The following MTERF4 variants were observed in gnomAD, a reference collection of about 807,000 sequenced individuals.
MTERF4 encodes transcription termination factor 4, mitochondrial.
MTERF4 carries 17 observed loss-of-function variants against 22.5 expected under a neutral mutation model. The observed-to-expected ratio is 0.75, with a 90% confidence interval of 0.52 to 1.13. The LOEUF (loss-of-function observed/expected upper bound fraction) is 1.13. Among genes scored for constraint, MTERF4 ranks in the 50% most tolerant of loss-of-function variants. MTERF4 has a pLI of 0.00. For synonymous variants in MTERF4, 165 were observed against 175.3 expected, an observed-to-expected ratio of 0.94 and a Z score of 0.47; for missense variants, 420 against 466.8, an observed-to-expected ratio of 0.90 and a Z score of 0.92.
At chr2:241,045,209 AG>A in the MTERF4 span, among the ~76,000 whole-genome samples, 1 of 152,246 alleles carries the variant, frequency 6.6e-6, no homozygotes, top group Non-Finnish European at 1.5e-5. Context: ...GACTCAACGT[AG>A]TAAATATGGC....
At chr2:241,060,790 G>T in the MTERF4 span, among the ~76,000 whole-genome samples, 2 of 152,056 alleles carry the variant, frequency 1.3e-5, no homozygotes, top group Admixed American at 6.6e-5. Flanking sequence ...AATTAACCAG[G>T]CGTAGTGGCA....
At chr2:241,043,829 A>G in the MTERF4 span, among the ~76,000 whole-genome samples, 1 of 152,230 alleles carries the variant, frequency 6.6e-6, no homozygotes, top group Non-Finnish European at 1.5e-5. Flanking sequence ...CAATATGTAA[A>G]TGAATAGGTA....
chr2:241,062,088 A>G, the MTERF4 span, among the ~76,000 whole-genome samples: 1 of 152,224 alleles, frequency 6.6e-6, no homozygotes, highest in Non-Finnish European at 1.5e-5. Context: ...TAAACAACAA[A>G]AACATTCACT....
At chr2:241,045,227 C>G in the MTERF4 span, among the ~76,000 whole-genome samples, 1 of 152,170 alleles carries the variant, frequency 6.6e-6, no homozygotes, top group African/African-American at 2.4e-5. Context: ...TGGCAGTGCT[C>G]TCTAAATTGA....
chr2:241,067,808 A>G (rs772958236), downstream of MTERF4: 7 of 1,613,126 alleles, frequency 4.3e-6, no homozygotes, highest in East Asian at 1.6e-4. Flanking sequence ...TGTGACGGCT[A>G]GCACCATCTC....
the MTERF4 span, chr2:241,064,739 C>T: frequency 2.6e-6 from 2 of 773,142 alleles, no homozygotes; most frequent in Middle Eastern, 2.3e-4. The surrounding 1 kb of genome is among the most constrained non-coding windows in gnomAD (Gnocchi z 7.0). Flanking sequence ...CCCCGCCCCT[C>T]CACACCCACG....
At chr2:241,054,974 G>A in the MTERF4 span, among the ~76,000 whole-genome samples, 10 of 151,864 alleles carry the variant, frequency 6.6e-5, no homozygotes, top group African/African-American at 1.5e-4. Flanking sequence ...AAAACTAGCC[G>A]GGTGTGGTGG....
the MTERF4 span, among the ~76,000 whole-genome samples, chr2:241,057,979 A>C: frequency 6.6e-6 from 1 of 152,186 alleles, no homozygotes; most frequent in Non-Finnish European, 1.5e-5. Flanking sequence ...ATTATGATAG[A>C]AAAAATACAA....
the MTERF4 span, chr2:241,053,084 A>T: frequency 6.8e-7 from 1 of 1,472,720 alleles, no homozygotes. Flanking sequence ...CGGGTCGGGC[A>T]GAGGCAGGGC....
intron 2 of MTERF4, 54 bp from the exon 3 acceptor site, chr2:241,097,481 CAAG>C: frequency 1.3e-6 from 2 of 1,542,792 alleles, no homozygotes; most frequent in Non-Finnish European, 1.8e-6. Context: ...TCCAGAAACT[CAAG>C]GAGCTAGCTG....
At chr2:241,070,402 G>A (rs2062648442), downstream of MTERF4, among the ~76,000 whole-genome samples, 1 of 152,238 alleles carries the variant, frequency 6.6e-6, no homozygotes. Context: ...ATGGGCAGGT[G>A]GCACCAACAA....
intron 4 of MTERF4, among the ~76,000 whole-genome samples, chr2:241,077,126 A>T (rs536794904): frequency 7.0e-4 from 106 of 152,166 alleles, no homozygotes; most frequent in Non-Finnish European, 1.2e-3. Flanking sequence ...CCACACGTCA[A>T]TGGCCAACTG....
chr2:241,093,384 T>C (rs1294277253), downstream of MTERF4: 3 of 152,680 alleles, frequency 2.0e-5, no homozygotes, highest in Non-Finnish European at 4.4e-5. Flanking sequence ...ACTAGGAAAC[T>C]TTCTACTCCC....
At chr2:241,065,023 C>T in the MTERF4 span, 12 of 1,261,956 alleles carry the variant, frequency 9.5e-6, no homozygotes, top group Non-Finnish European at 1.3e-5. Flanking sequence ...GAGGGCCCAA[C>T]GGTCTCCAAG....
At chr2:241,064,989 C>T in the MTERF4 span, 119 of 1,495,362 alleles carry the variant, frequency 8.0e-5, no homozygotes, top group African/African-American at 1.4e-3. The surrounding 1 kb of genome is among the most constrained non-coding windows in gnomAD (Gnocchi z 7.0). Context: ...AGTGAGGGAG[C>T]CACGAGGGGG....
At chr2:241,051,642 C>A in the MTERF4 span, 1 of 952,222 alleles carries the variant, frequency 1.1e-6, no homozygotes, top group Non-Finnish European at 1.5e-6. This position sits in a 1 kb window ranked among gnomAD's most constrained non-coding sequence, Gnocchi z 4.7. Flanking sequence ...TCGAGAAGGC[C>A]CCACCAGCAC....
downstream of MTERF4, chr2:241,069,940 C>T (rs921570374): frequency 1.9e-6 from 3 of 1,612,622 alleles, no homozygotes; most frequent in Non-Finnish European, 2.5e-6. The surrounding 1 kb of genome is among the most constrained non-coding windows in gnomAD (Gnocchi z 4.9). Context: ...TCCAGCAAAC[C>T]TGACCGCCGC....
the MTERF4 span, chr2:241,063,790 G>A: frequency 9.7e-7 from 1 of 1,034,616 alleles, no homozygotes; most frequent in Non-Finnish European, 1.4e-6. Context: ...TTCCCTGCTG[G>A]GCAGGCCACC....
At chr2:241,063,328 C>A in the MTERF4 span, 8 of 540,388 alleles carry the variant, frequency 1.5e-5, no homozygotes, top group African/African-American at 1.3e-4. Flanking sequence ...AGTCGTGGCC[C>A]TGGGGAGCCT....
Sources: gnomAD v4.1 joint callset for allele counts (sites outside exome capture counted in the v4.1 genomes callset) on GRCh38, gnomAD v4.1.1 for gene constraint, Gnocchi (gnomAD v3.1) non-coding constraint, MANE v1.5 for transcripts, NCBI Gene and HGNC (gene_info 2026-07-23, HGNC 2026-07-21) for gene names.